RAPGEF3: variants seen among roughly 807,000 people sequenced by gnomAD.
RAPGEF3 encodes the protein Rap guanine nucleotide exchange factor 3.
Under a neutral mutation model 129.8 loss-of-function variants are expected in RAPGEF3, and 103 were observed. The observed-to-expected ratio is 0.79, with a 90% CI of 0.68 to 0.93. The LOEUF is 0.93. Ranked by LOEUF, RAPGEF3 falls within the 40% of genes least tolerant of loss-of-function variation. The pLI is 0.00. For synonymous variants in RAPGEF3, 436 were observed against 482.6 expected (o/e 0.90, Z 1.26); for missense variants, 1,117 against 1,207.4 (o/e 0.93, Z 1.11).
At chr12:47,741,684 T>C (rs1941177365) in intron 18 of RAPGEF3, 82 bp from the exon 19 acceptor site, 4 of 1,196,012 alleles carry the variant, frequency 3.3e-6, no homozygotes, top group Admixed American at 1.7e-5. Flanking sequence ...GAGGTGCTGT[T>C]TGGGAGGCTG....
Position 47,746,877 on chromosome 12 carries a change from C to G in RAPGEF3, c.1579G>C (p.Ala527Pro). The change falls in exon 16 of 28, where the codon GCA becomes CCA. Residue 527 changes from alanine to proline, a missense_variant. Coordinates refer to ENST00000449771, the MANE Select transcript of RAPGEF3 (RefSeq NM_001098531.4). ...CHRLENGCGN[A>P]SPQMKARNLP... Reference sequence around the variant, plus strand: ...GCAGACACCTTCATCTGAGGAGATGCATTCCCACAGCCATTCTCCAACCTG... The same window carrying G: ...GCAGACACCTTCATCTGAGGAGATGGATTCCCACAGCCATTCTCCAACCTG... The G allele has an allele frequency of 1.3e-6, 2 of 1,599,844 alleles. No homozygotes were observed. The highest frequency in any genetic ancestry group is 2.3e-5 in the South Asian group (2 of 88,358).
rs757628886 is a variant in RAPGEF3, at chr12:47,738,101, G to A, written c.2582-8C>T. On this transcript the variant is annotated splice_polypyrimidine_tract_variant and splice_region_variant and intron_variant, in intron 26 of 27. Coordinates refer to ENST00000449771, the MANE Select transcript of RAPGEF3 (RefSeq NM_001098531.4). Reference sequence around the variant, plus strand: ...TGAGTGGTGAGAGAGGCACTGCGGGGGTGGGGAGGGGTCATGGAGTCAGGG... The same window carrying A: ...TGAGTGGTGAGAGAGGCACTGCGGGAGTGGGGAGGGGTCATGGAGTCAGGG... The A allele has an allele frequency of 1.2e-6, 2 of 1,614,098 alleles. No homozygotes were observed. Among genetic ancestry groups the A allele is most frequent in the South Asian group, 1.1e-5 (1 of 91,072 alleles).
intron 15 of RAPGEF3, 145 bp from the exon 16 acceptor site, chr12:47,747,044 A>C (rs73304406): frequency 0.13 from 97,409 of 773,224 alleles, 6,693 homozygotes; most frequent in African/African-American, 0.19. Flanking sequence ...TAAAGAGGGG[A>C]GAACACGGTC....
chr12:47,750,162 TGA>T (rs1311928055), intron 7 of RAPGEF3, among the ~76,000 whole-genome samples, 172 bp from the exon 8 acceptor site: 1 of 152,188 alleles, frequency 6.6e-6, no homozygotes, highest in Non-Finnish European at 1.5e-5. Context: ...GAAAATGGGC[TGA>T]GAGAGGCGGA....
At chr12:47,755,969 T>C (rs2238142) in intron 2 of RAPGEF3, 3 of 152,074 alleles carry the variant, frequency 2.0e-5, no homozygotes, top group African/African-American at 7.3e-5. Flanking sequence ...CATGATGGAA[T>C]GAAACCTCCC....
chr12:47,737,463 G>A lies in RAPGEF3; in HGVS notation c.*104C>T, dbSNP rs112457686. 1.9e-4 allele frequency: 187 copies of A among 1,001,984 alleles called. No homozygotes were observed. Among genetic ancestry groups the A allele is most frequent in the Admixed American group, 4.6e-4 (21 of 45,662 alleles). 62.1% of individuals were successfully genotyped at this position (1,001,984 alleles called of 1,614,324 possible). A position where few individuals can be genotyped will look rare whatever the true frequency, so the allele number is the denominator to read the frequency against. ...CTCCAGGGACTCGAGTCCACTCCAC[G>A]GAGAGCCTTGCCCAGCTGTGGCCAG... On this transcript the variant is annotated 3_prime_UTR_variant, in exon 28 of 28. Coordinates refer to ENST00000449771, the MANE Select transcript of RAPGEF3 (RefSeq NM_001098531.4).
rs59442048 is a variant in RAPGEF3 at position 47,749,601 on chromosome 12, C to G, written c.895-65G>C. ...CTGCCGCCCCCAGCTCTTGCCAGGA[C>G]AGACCCACGGCAGGAGAACAACCCA... On this transcript the variant is annotated intron_variant, in intron 9 of 27. Coordinates refer to ENST00000449771, the MANE Select transcript of RAPGEF3 (RefSeq NM_001098531.4). This position sits in a 1 kb window ranked among gnomAD's most constrained non-coding sequence, Gnocchi z 4.5. 6.2e-4 allele frequency: 969 copies of G among 1,558,248 alleles called. 9 individuals are homozygous for G. In the African/African-American group the frequency reaches 0.012, roughly 19 times the overall value.
Position 47,749,471 on chromosome 12 carries a change from G to C in RAPGEF3, c.960C>G (p.Pro320=). The part of the protein sequence containing the change: ...FGQLALVNDA[P]RAATIILRED... ...CTCGCAGGATGATGGTGGCTGCCCG[G>C]GGTGCATCATTCACCAGAGCCAGCT... The change falls in exon 10 of 28, where the codon CCC becomes CCG. Residue 320 remains proline (P), a synonymous_variant. Transcript: ENST00000449771. The surrounding 1 kb of genome is among the most constrained non-coding windows in gnomAD (Gnocchi z 4.5). 6.2e-7 allele frequency: 1 copy of C among 1,613,178 alleles called. No homozygotes were observed. The highest frequency in any genetic ancestry group is 8.5e-7 in the Non-Finnish European group (1 of 1,180,010).
Position 47,738,078 on chromosome 12 carries a change from A to G in RAPGEF3, c.2597T>C (p.Leu866Pro), listed in dbSNP as rs556643345. The G allele has an allele frequency of 1.1e-5, 18 of 1,584,108 alleles. No individual in the cohort carries two copies. The highest frequency in any genetic ancestry group is 1.5e-5 in the Non-Finnish European group (17 of 1,161,936). The change falls in exon 27 of 28, where the codon CTC becomes CCC. Residue 866 changes from leucine (L) to proline (P), a missense_variant. By Grantham distance (98) the Leu-to-Pro change is moderately conservative. Coordinates refer to ENST00000449771, the MANE Select transcript of RAPGEF3 (RefSeq NM_001098531.4). ...GTGGAGGTGGGAAACTCGGCTTCTGAGTGGTGAGAGAGGCACTGCGGGGGT... is the reference window on the plus strand; with the variant it reads ...GTGGAGGTGGGAAACTCGGCTTCTGGGTGGTGAGAGAGGCACTGCGGGGGT... ...RSHNPVPLSP[L>P]RSRVSHLHED...
In RAPGEF3 at chr12:47,748,069, G is replaced by C; in HGVS notation, c.1322+5C>G. ...CACACCATCCCCCTGGAGCTGGAAG[G>C]ATATTGGTGCAGAAGGGCAGCGCAG... On this transcript the variant is annotated splice_donor_5th_base_variant and intron_variant, in intron 13 of 27. Transcript: ENST00000449771. 1 of 1,578,490 alleles carries C rather than the reference G, an allele frequency of 6.3e-7. No homozygotes were observed. Among genetic ancestry groups the C allele is most frequent in the Non-Finnish European group, 8.6e-7 (1 of 1,160,372 alleles).
At position 47,751,492 on chromosome 12, in the gene RAPGEF3, C is replaced by A. The variant is rs767625628; in HGVS notation, c.409G>T (p.Asp137Tyr). 3 of 1,614,228 alleles carry A rather than the reference C, an allele frequency of 1.9e-6. No homozygotes were observed. Among genetic ancestry groups the A allele is most frequent in the Non-Finnish European group, 2.5e-6 (3 of 1,180,028 alleles). The change falls in exon 5 of 28, where the codon GAT becomes TAT. Residue 137 changes from aspartate to tyrosine, a missense_variant. Physicochemically the swap from Asp to Tyr is radical, Grantham distance 160. Coordinates refer to ENST00000449771, the MANE Select transcript of RAPGEF3 (RefSeq NM_001098531.4). ...CCAAGTCCCAGGGCCAAGATCCCAT[C>A]CACCAGCTCCCGGCCAGAGCAGCAC... ...RQCCSGRELV[D>Y]GILALGLGVH...
At position 47,735,856 on chromosome 12, in the gene RAPGEF3, T is replaced by A. The variant is rs1160445188; in HGVS notation, c.*1711A>T. On this transcript the variant is annotated 3_prime_UTR_variant, in exon 28 of 28. Transcript: ENST00000449771. ...AAAAGAAAGCCCCCGGACTCCTGAC[T>A]CACCCAGGCTTGAGCCTCCTGTCCT... 1 of 152,354 alleles carries A rather than the reference T, an allele frequency of 6.6e-6. No homozygotes were observed. Among genetic ancestry groups the A allele is most frequent in the African/African-American group, 2.4e-5 (1 of 41,464 alleles). The allele number at this position is 152,354 out of a possible 1,614,324, so 9.4% of individuals were successfully genotyped here.
chr12:47,746,780 A>G, intron 16 of RAPGEF3, 80 bp downstream of exon 16: 3 of 1,416,290 alleles, frequency 2.1e-6, no homozygotes, highest in Non-Finnish European at 2.9e-6. Flanking sequence ...ACGCCCACAG[A>G]GCCCCTCAGG....
In RAPGEF3 at chr12:47,758,731, T is replaced by G; in HGVS notation, c.-175A>C. 1.6e-6 allele frequency: 2 copies of G among 1,274,456 alleles called. No homozygotes were observed. Among genetic ancestry groups the G allele is most frequent in the Non-Finnish European group, 2.0e-6 (2 of 1,003,024 alleles). The allele number at this position is 1,274,456 out of a possible 1,614,324, so 78.9% of individuals were successfully genotyped here. On this transcript the variant is annotated 5_prime_UTR_variant, in exon 1 of 28. Coordinates refer to ENST00000449771, the MANE Select transcript of RAPGEF3 (RefSeq NM_001098531.4). The stretch of plus-strand genomic sequence containing the variant: ...CTGCCAGGGCAGCAGGATGCAGGGC[T>G]CGGTGGAGAGGCTCCTCTTGGGTGA...
Position 47,741,621 on chromosome 12 carries a change from C to T in RAPGEF3, c.1826-19G>A, listed in dbSNP as rs1212860833. On this transcript the variant is annotated intron_variant, in intron 18 of 27. Transcript: ENST00000449771. Reference sequence around the variant, plus strand: ...ATGGCATCTGCAAAGACAGCAGAGGCGGACTGGGTGGGGGAAGGGAGGGAG... The same window carrying T: ...ATGGCATCTGCAAAGACAGCAGAGGTGGACTGGGTGGGGGAAGGGAGGGAG... 21 of 1,353,892 alleles carry T rather than the reference C, an allele frequency of 1.6e-5. No homozygotes were observed. The highest frequency in any genetic ancestry group is 1.9e-4 in the Middle Eastern group (1 of 5,400). 83.9% of individuals were successfully genotyped at this position (1,353,892 alleles called of 1,614,324 possible). A position where few individuals can be genotyped will look rare whatever the true frequency, so the allele number is the denominator to read the frequency against.
At chr12:47,739,024 C>T (rs933456912) in intron 24 of RAPGEF3, 119 bp downstream of exon 24, 1 of 925,602 alleles carries the variant, frequency 1.1e-6, no homozygotes, top group South Asian at 1.6e-5. Flanking sequence ...ATAATCTCTC[C>T]AACAGAGTGG....
intron 17 of RAPGEF3, 58 bp downstream of exon 17, chr12:47,743,929 A>T: frequency 6.6e-7 from 1 of 1,512,754 alleles, no homozygotes; most frequent in Non-Finnish European, 9.2e-7. Flanking sequence ...AGGACAAGAG[A>T]GGCAGAGACA....
chr12:47,751,381 C>T lies in RAPGEF3; in HGVS notation c.502+18G>A, dbSNP rs1380145447. On this transcript the variant is annotated intron_variant, in intron 5 of 27. Transcript: ENST00000449771. ...GCCCAGCCCAGCCCGGGGCACCCCA[C>T]CCTGGGCTCGGGCTCACCATGGCAG... is the stretch of plus-strand genomic sequence containing the variant. 6 of 1,613,440 alleles carry T rather than the reference C, an allele frequency of 3.7e-6. No individual in the cohort carries two copies. The East Asian group carries it at 6.7e-5, about 18-fold the overall frequency.
In RAPGEF3 at chr12:47,747,858, G is replaced by A. The variant is rs1294419164; in HGVS notation, c.1327C>T (p.His443Tyr). Residue 443 changes from histidine (H) to tyrosine (Y), a missense_variant, in exon 14 of 28, where the codon CAT (histidine) becomes TAT (tyrosine). His to Tyr is a moderately conservative substitution (Grantham distance 83). Coordinates refer to ENST00000449771, the MANE Select transcript of RAPGEF3 (RefSeq NM_001098531.4). ...QLCAALLHHFHVEPAGGSEQE... is the reference protein window; with the variant it reads ...QLCAALLHHFYVEPAGGSEQE... ...TCGCTGCCACCCGCAGGCTCCACATGGAAGGTGGGCACCAGTCAAGGGAAC... is the reference window on the plus strand; with the variant it reads ...TCGCTGCCACCCGCAGGCTCCACATAGAAGGTGGGCACCAGTCAAGGGAAC... 1 of 1,603,024 alleles carries A rather than the reference G, an allele frequency of 6.2e-7. No individual in the cohort carries two copies. The highest frequency in any genetic ancestry group is 1.3e-5 in the African/African-American group (1 of 75,036).
Sources: allele counts gnomAD v4.1 joint callset (sites outside exome capture counted in the v4.1 genomes callset), GRCh38; gene constraint gnomAD v4.1.1; non-coding constraint Gnocchi (gnomAD v3.1); transcripts MANE v1.5; gene names NCBI Gene and HGNC (gene_info 2026-07-23, HGNC 2026-07-21).